CNTNAP3B: variants seen among roughly 807,000 people sequenced by gnomAD.
CNTNAP3B encodes the protein contactin-associated protein-like 3B.
Under a neutral mutation model 108.9 loss-of-function variants are expected in CNTNAP3B, and 25 were observed. That is an observed-to-expected ratio of 0.23 (90% CI 0.17 to 0.32). CNTNAP3B has a LOEUF of 0.32. Among genes scored for constraint, CNTNAP3B ranks in the 10% least tolerant of loss-of-function variants. The pLI, the probability that CNTNAP3B is intolerant of heterozygous loss-of-function variation, is 1.00. For missense variants in CNTNAP3B, 252 were observed against 1,210.4 expected (o/e 0.21, Z 11.75); for synonymous variants, 103 against 473.4 (o/e 0.22, Z 10.16).
At chr9:41,942,636 T>TAA (rs534894864) in intron 13 of CNTNAP3B, among the ~76,000 whole-genome samples, 7 of 145,334 alleles carry the variant, frequency 4.8e-5, no homozygotes, top group East Asian at 2.0e-4. Context: ...ATAAAAACAT[T>TAA]AAAAAAAAAA....
At chr9:41,968,008 G>T (rs1481455120) in intron 10 of CNTNAP3B, among the ~76,000 whole-genome samples, 1 of 152,244 alleles carries the variant, frequency 6.6e-6, no homozygotes, top group Non-Finnish European at 1.5e-5. Flanking sequence ...ACCAAGTTAG[G>T]CACCAATGTA....
intron 18 of CNTNAP3B, among the ~76,000 whole-genome samples, chr9:41,913,716 T>G (rs991015654): frequency 7.4e-6 from 1 of 135,154 alleles, no homozygotes; most frequent in African/African-American, 3.0e-5. Context: ...GAATCTACTT[T>G]GTCTCTACAA....
intron 12 of CNTNAP3B, among the ~76,000 whole-genome samples, chr9:41,958,456 G>A (rs1399130089): frequency 6.6e-6 from 1 of 152,042 alleles, no homozygotes; most frequent in African/African-American, 2.4e-5. Context: ...ATAACCAGAT[G>A]TGATGTACCA....
intron 13 of CNTNAP3B, among the ~76,000 whole-genome samples, chr9:41,942,081 C>T (rs1224952075): frequency 2.6e-4 from 40 of 152,280 alleles, no homozygotes; most frequent in Non-Finnish European, 4.4e-4. Context: ...CTCTACCCTT[C>T]TTTTCTTACC....
At chr9:41,994,806 A>C in intron 7 of CNTNAP3B, 2 of 240,612 alleles carry the variant, frequency 8.3e-6, no homozygotes, top group South Asian at 5.0e-5. Context: ...GAAAGAAAAC[A>C]TGTTTCCAAC....
intron 13 of CNTNAP3B, among the ~76,000 whole-genome samples, chr9:41,945,897 T>C (rs1480627984): frequency 6.6e-6 from 1 of 152,172 alleles, no homozygotes; most frequent in African/African-American, 2.4e-5. Context: ...GAGAAAGATA[T>C]ACCATGGTAA....
Position 42,124,461 on chromosome 9 carries a change from A to C in CNTNAP3B, c.85+4549T>G, listed in dbSNP as rs1271118742. 1.3e-4 allele frequency among the ~76,000 whole-genome samples: 18 copies of C among 137,584 alleles called. 1 individual carries two copies. In the Admixed American group the frequency reaches 1.3e-3, roughly 10 times the overall value. 90.3% of individuals were successfully genotyped at this position (137,584 alleles called of 152,430 possible). On this transcript the variant is annotated intron_variant, in intron 1 of 23. Transcript: ENST00000377561. ...ATATATGAATTCCTTGACAAAATAC[A>C]TTTAAAACAAACAATTCCATGCCTT...
At chr9:41,961,561 A>G (rs1431775632) in intron 11 of CNTNAP3B, among the ~76,000 whole-genome samples, 1 of 152,306 alleles carries the variant, frequency 6.6e-6, no homozygotes, top group Non-Finnish European at 1.5e-5. Context: ...AGCATTCTGT[A>G]AAGTTTTTCT....
At chr9:41,915,600 G>A (rs1300927286) in intron 18 of CNTNAP3B, among the ~76,000 whole-genome samples, 1 of 139,048 alleles carries the variant, frequency 7.2e-6, no homozygotes, top group East Asian at 2.0e-4. Flanking sequence ...GATGTTAGTT[G>A]CAGGTTTTTC....
chr9:42,117,440 A>T (rs1828344879), intron 1 of CNTNAP3B, among the ~76,000 whole-genome samples: 1 of 139,742 alleles, frequency 7.2e-6, no homozygotes, highest in Non-Finnish European at 1.5e-5. Context: ...GTACATAACA[A>T]AATGAAGGCA....
chr9:42,129,127 C>T lies in CNTNAP3B; in HGVS notation c.-33G>A. On this transcript the variant is annotated 5_prime_UTR_variant, in exon 1 of 24. Transcript: ENST00000377561. ...TCAGCCAGGCGCCCTGAGACCCGGG[C>T]ACGGCGACGGCCGCTCTGCGTCGTT... 1 of 1,538,536 alleles carries T rather than the reference C, an allele frequency of 6.5e-7. No individual in the cohort carries two copies. The highest frequency in any genetic ancestry group is 8.8e-7 in the Non-Finnish European group (1 of 1,137,596).
At chr9:41,925,602 C>T (rs1408185398) in intron 15 of CNTNAP3B, among the ~76,000 whole-genome samples, 3 of 152,052 alleles carry the variant, frequency 2.0e-5, no homozygotes, top group African/African-American at 7.3e-5. Flanking sequence ...CAAAAACAAA[C>T]AAACAAACAA....
At position 42,075,059 on chromosome 9, in the gene CNTNAP3B, G is replaced by A. The variant is rs1486055734; in HGVS notation, c.390+1810C>T. Among the ~76,000 whole-genome samples the A allele has an allele frequency of 1.0e-4, 15 of 144,684 alleles. No homozygotes were observed. In the South Asian group the frequency reaches 2.8e-3, roughly 27 times the overall value. The allele number at this position is 144,684 out of a possible 152,430, so 94.9% of individuals were successfully genotyped here. A position where few individuals can be genotyped will look rare whatever the true frequency, so the allele number is the denominator to read the frequency against. Reference sequence around the variant, plus strand: ...CCATCTCCTAGCTGCTGGTGCCTCCGGTGTTCTGTGGCTTGTCCATGCATT... The same window carrying A: ...CCATCTCCTAGCTGCTGGTGCCTCCAGTGTTCTGTGGCTTGTCCATGCATT... On this transcript the variant is annotated intron_variant, in intron 3 of 23. Coordinates refer to ENST00000377561, the MANE Select transcript of CNTNAP3B (RefSeq NM_001201380.3).
At chr9:41,945,985 G>C (rs1824522579) in intron 13 of CNTNAP3B, among the ~76,000 whole-genome samples, 1 of 152,288 alleles carries the variant, frequency 6.6e-6, no homozygotes, top group African/African-American at 2.4e-5. Context: ...AATTATCAGA[G>C]ATGAAAAAGG....
intron 3 of CNTNAP3B, among the ~76,000 whole-genome samples, chr9:42,019,772 A>C (rs1189014178): frequency 7.6e-6 from 1 of 130,878 alleles, no homozygotes; most frequent in Non-Finnish European, 1.6e-5. Flanking sequence ...AAAAAAAAAA[A>C]AAAAAAGTAC....
chr9:41,933,803 TAA>T (rs1370739890), intron 14 of CNTNAP3B, among the ~76,000 whole-genome samples: 2 of 152,272 alleles, frequency 1.3e-5, no homozygotes, highest in African/African-American at 4.8e-5. Context: ...CATGAGCTTT[TAA>T]AAGTTATATA....
At chr9:41,939,773 A>AT (rs903710043) in intron 13 of CNTNAP3B, among the ~76,000 whole-genome samples, 10 of 152,270 alleles carry the variant, frequency 6.6e-5, no homozygotes, top group Non-Finnish European at 1.0e-4. Context: ...GTAAAAATGT[A>AT]TTTTTTTAGA....
intron 2 of CNTNAP3B, among the ~76,000 whole-genome samples, chr9:42,098,720 A>T (rs990357931): frequency 8.3e-6 from 1 of 121,122 alleles, no homozygotes; most frequent in African/African-American, 3.3e-5. Context: ...ATGGTTTCAT[A>T]TTCACTGAAT....
intron 3 of CNTNAP3B, among the ~76,000 whole-genome samples, chr9:42,075,398 G>A (rs1256738341): frequency 1.4e-5 from 2 of 139,516 alleles, no homozygotes; most frequent in Admixed American, 7.1e-5. Context: ...CTCACACTGT[G>A]AGCGGGCACC....
Sources: gnomAD v4.1 joint callset for allele counts (sites outside exome capture counted in the v4.1 genomes callset) on GRCh38, gnomAD v4.1.1 for gene constraint, MANE v1.5 for transcripts, NCBI Gene and HGNC (gene_info 2026-07-23, HGNC 2026-07-21) for gene names.